The following RIMS2 variants were observed in gnomAD, a reference collection of about 807,000 sequenced individuals.
RIMS2 encodes the protein regulating synaptic membrane exocytosis 2, also known as regulating synaptic membrane exocytosis protein 2.
Under a neutral mutation model 174.4 loss-of-function variants are expected in RIMS2, and 59 were observed. That is an observed-to-expected ratio of 0.34 (90% CI 0.27 to 0.42). The LOEUF is 0.42. Ranked by LOEUF, RIMS2 falls within the 10% of genes least tolerant of loss-of-function variation. The pLI, the probability that RIMS2 is intolerant of heterozygous loss-of-function variation, is 1.00. For synonymous variants in RIMS2, 606 were observed against 572.5 expected (o/e 1.06, Z -0.84); for missense variants, 1,620 against 1,666.3 (o/e 0.97, Z 0.48).
chr8:103,959,772 C>A (rs2089239071), intron 14 of RIMS2, among the ~76,000 whole-genome samples: 1 of 152,082 alleles, frequency 6.6e-6, no homozygotes, highest in Admixed American at 6.6e-5. Context: ...TAAGCACCCT[C>A]TTCCCTATCA....
chr8:103,726,728 A>ATT (rs981310997), intron 2 of RIMS2, among the ~76,000 whole-genome samples: 3 of 147,516 alleles, frequency 2.0e-5, no homozygotes, highest in Non-Finnish European at 4.5e-5. Flanking sequence ...ATTTATATTA[A>ATT]TTATATATAT....
intron 16 of RIMS2, among the ~76,000 whole-genome samples, chr8:103,982,607 A>G (rs1452658614): frequency 6.6e-6 from 1 of 152,178 alleles, no homozygotes; most frequent in Non-Finnish European, 1.5e-5. Context: ...TATACAAACC[A>G]ATTAATGTGA....
chr8:103,822,499 A>G (rs1477307546), intron 3 of RIMS2, among the ~76,000 whole-genome samples: 2 of 151,828 alleles, frequency 1.3e-5, no homozygotes, highest in Admixed American at 6.6e-5. Context: ...ATTAAATGAA[A>G]TTTATCTATG....
chr8:104,112,802 T>A (rs532240438), intron 19 of RIMS2, among the ~76,000 whole-genome samples: 12 of 152,268 alleles, frequency 7.9e-5, no homozygotes, highest in African/African-American at 2.6e-4. Context: ...ACAGCACAGG[T>A]CCTCAGCAAA....
intron 19 of RIMS2, among the ~76,000 whole-genome samples, chr8:104,084,227 C>T (rs893682752): frequency 2.0e-5 from 3 of 151,450 alleles, no homozygotes; most frequent in Admixed American, 1.3e-4. Context: ...GATCACTTGA[C>T]GTCAGGAGTT....
intron 3 of RIMS2, among the ~76,000 whole-genome samples, chr8:103,789,064 C>G (rs1028657711): frequency 6.6e-6 from 1 of 152,196 alleles, no homozygotes; most frequent in African/African-American, 2.4e-5. Flanking sequence ...CTTTCTTTGA[C>G]TCGGAAAGGG....
At chr8:103,561,279 A>T (rs2091548283) in intron 1 of RIMS2, among the ~76,000 whole-genome samples, 1 of 152,188 alleles carries the variant, frequency 6.6e-6, no homozygotes, top group South Asian at 2.1e-4. Flanking sequence ...ATCTGGCTAG[A>T]TAAAAATAAT....
intron 3 of RIMS2, among the ~76,000 whole-genome samples, chr8:103,884,342 A>T (rs928516923): frequency 6.6e-6 from 1 of 151,816 alleles, no homozygotes; most frequent in Admixed American, 6.6e-5. Flanking sequence ...TCCCCATAAT[A>T]GTTTTCTAAA....
intron 2 of RIMS2, among the ~76,000 whole-genome samples, chr8:103,743,288 A>G (rs1484270209): frequency 6.6e-6 from 1 of 152,216 alleles, no homozygotes; most frequent in African/African-American, 2.4e-5. Flanking sequence ...ATATTTGCCA[A>G]TTGACTACAA....
At chr8:104,253,877 G>GC (rs1318549305), downstream of RIMS2, 2 of 152,104 alleles carry the variant, frequency 1.3e-5, no homozygotes, top group Non-Finnish European at 2.9e-5. Context: ...CACTAAAAAT[G>GC]CCTTCTTTTT....
chr8:103,802,118 C>T (rs998099035), intron 3 of RIMS2, among the ~76,000 whole-genome samples: 1 of 152,146 alleles, frequency 6.6e-6, no homozygotes, highest in Non-Finnish European at 1.5e-5. Flanking sequence ...GCCAGCAGCA[C>T]TCTTTTTTAA....
chr8:104,131,382 C>G (rs1183617467), intron 19 of RIMS2, among the ~76,000 whole-genome samples: 2 of 152,050 alleles, frequency 1.3e-5, no homozygotes, highest in African/African-American at 2.4e-5. Flanking sequence ...TTCTTGGATT[C>G]TGATCTGGGC....
chr8:104,113,953 AT>A (rs1238229041), intron 19 of RIMS2, among the ~76,000 whole-genome samples: 8 of 151,992 alleles, frequency 5.3e-5, no homozygotes, highest in South Asian at 2.1e-4. Flanking sequence ...ATACAAAAAA[AT>A]AACCACAAAT....
chr8:104,246,480 A>G (rs1446758601), intron 20 of RIMS2, among the ~76,000 whole-genome samples: 2 of 152,206 alleles, frequency 1.3e-5, no homozygotes, highest in African/African-American at 4.8e-5. Flanking sequence ...CAAAAATAAA[A>G]TACTCTCATC....
At chr8:103,619,878 C>A (rs1252873836) in intron 1 of RIMS2, among the ~76,000 whole-genome samples, 2 of 152,066 alleles carry the variant, frequency 1.3e-5, no homozygotes, top group African/African-American at 4.8e-5. Flanking sequence ...ATGTACATAG[C>A]TGGAAATACT....
chr8:104,094,568 T>C (rs1439543900), intron 19 of RIMS2: 1 of 701,610 alleles, frequency 1.4e-6, no homozygotes, highest in East Asian at 2.7e-5. Flanking sequence ...AAAGAATTAA[T>C]GAGAATGAGA....
chr8:104,161,970 C>T (rs1392468681), intron 19 of RIMS2, among the ~76,000 whole-genome samples: 1 of 152,210 alleles, frequency 6.6e-6, no homozygotes, highest in Non-Finnish European at 1.5e-5. Flanking sequence ...TCCCTTATCC[C>T]TTCTGCCTTC....
chr8:103,983,139 C>T (rs1954901), intron 16 of RIMS2, among the ~76,000 whole-genome samples: 102,082 of 152,022 alleles, frequency 0.67, 34,906 homozygotes, highest in Middle Eastern at 0.7. Context: ...AGTAATTCCA[C>T]TTATAACAAT....
chr8:104,058,021 A>G (rs1164018101), intron 19 of RIMS2, among the ~76,000 whole-genome samples: 1 of 152,038 alleles, frequency 6.6e-6, no homozygotes, highest in Non-Finnish European at 1.5e-5. Context: ...TGGTGCCGCA[A>G]TAAACATATG....
Sources: gnomAD v4.1 joint callset for allele counts (sites outside exome capture counted in the v4.1 genomes callset) on GRCh38, gnomAD v4.1.1 for gene constraint, MANE v1.5 for transcripts, NCBI Gene and HGNC (gene_info 2026-07-23, HGNC 2026-07-21) for gene names.